The following CHD5 variants were observed in gnomAD, a reference collection of about 807,000 sequenced individuals.
CHD5 encodes ATP-dependent chromatin remodeler CHD5.
In CHD5, 69 loss-of-function variants were observed where a neutral mutation model predicts 230.3. The observed-to-expected ratio is 0.30, with a 90% CI of 0.25 to 0.37. The LOEUF is 0.37. CHD5 is among the 10% of genes least tolerant of loss of function. CHD5 has a pLI of 1.00. For missense variants in CHD5, 1,827 were observed against 2,622.8 expected, an observed-to-expected ratio of 0.70 and a Z score of 6.63; for synonymous variants, 1,064 against 1,065.9, an observed-to-expected ratio of 1.00 and a Z score of 0.03.
chr1:6,178,232 C>T (rs552432172), intron 1 of CHD5, among the ~76,000 whole-genome samples: 1 of 152,222 alleles, frequency 6.6e-6, no homozygotes, highest in African/African-American at 2.4e-5. Context: ...ACCAGAGCCC[C>T]GCCTCTCTGG....
At chr1:6,163,891 C>T (rs1477949433) in intron 2 of CHD5, among the ~76,000 whole-genome samples, 2 of 152,212 alleles carry the variant, frequency 1.3e-5, no homozygotes, top group Non-Finnish European at 1.5e-5. Context: ...CAGCCTTAGG[C>T]GTGACTACAG....
chr1:6,177,199 T>C (rs988068014), intron 1 of CHD5, among the ~76,000 whole-genome samples: 1 of 152,042 alleles, frequency 6.6e-6, no homozygotes, highest in East Asian at 1.9e-4. Context: ...CAAACTTCCA[T>C]CTTTTGGAAC....
At chr1:6,156,092 G>A (rs561167500) in intron 3 of CHD5, among the ~76,000 whole-genome samples, 32 of 152,308 alleles carry the variant, frequency 2.1e-4, no homozygotes, top group Non-Finnish European at 4.4e-4. Context: ...GACCAGCCTC[G>A]GGACACCAGG....
Position 6,142,859 on chromosome 1 carries a change from C to A in CHD5, c.2044-254G>T, listed in dbSNP as rs925396909. On this transcript the variant is annotated intron_variant, in intron 13 of 41. Coordinates refer to ENST00000262450, the MANE Select transcript of CHD5 (RefSeq NM_015557.3). The surrounding 1 kb of genome is among the most constrained non-coding windows in gnomAD (Gnocchi z 5.2). The stretch of plus-strand genomic sequence containing the variant: ...TACTTCTCCTATCAGGGAAATTTCC[C>A]GACTGTTGAATTCTCTGACTCTGAG... 1.3e-5 allele frequency among the ~76,000 whole-genome samples: 2 copies of A among 152,132 alleles called. No individual in the cohort carries two copies. The highest frequency in any genetic ancestry group is 4.8e-5 in the African/African-American group (2 of 41,424).
In CHD5 at chr1:6,168,084, C is replaced by T. The variant is rs758622711; in HGVS notation, c.207+66G>A. 23 of 1,529,768 alleles carry T rather than the reference C, an allele frequency of 1.5e-5. No homozygotes were observed. The East Asian group carries it at 3.9e-4, about 26-fold the overall frequency. 94.8% of individuals were successfully genotyped at this position (1,529,768 alleles called of 1,614,324 possible). On this transcript the variant is annotated intron_variant, in intron 2 of 41. Transcript: ENST00000262450. ...GTCCAGGGACCCCAGCCCTCCTCTG[C>T]GGCCGGGCAGATGCAGCCACAACCC... is the stretch of plus-strand genomic sequence containing the variant.
chr1:6,144,839 C>T lies in CHD5; in HGVS notation c.1803-684G>A, dbSNP rs138703865. 2.4e-3 allele frequency among the ~76,000 whole-genome samples: 365 copies of T among 152,318 alleles called. 1 individual carries two copies. The highest frequency in any genetic ancestry group is 8.5e-3 in the African/African-American group (353 of 41,562). On this transcript the variant is annotated intron_variant, in intron 11 of 41. Coordinates refer to ENST00000262450, the MANE Select transcript of CHD5 (RefSeq NM_015557.3). ...CAGACCCGGTGAGCAGCGGCTGCTG[C>T]GGGCCTGGGAACATTAAGAGAAAAA... is the stretch of plus-strand genomic sequence containing the variant.
intron 3 of CHD5, among the ~76,000 whole-genome samples, chr1:6,156,651 G>C: frequency 6.6e-6 from 1 of 152,202 alleles, no homozygotes; most frequent in East Asian, 1.9e-4. Flanking sequence ...AGTGCACTCT[G>C]CTGGGGCAGG....
At chr1:6,111,914 G>C (rs767155417) in intron 35 of CHD5, 31 bp from the exon 36 acceptor site, 1 of 1,591,926 alleles carries the variant, frequency 6.3e-7, no homozygotes, top group Non-Finnish European at 8.6e-7. Flanking sequence ...AGCAGGGTGA[G>C]AAGTGCCCCA....
intron 7 of CHD5, 42 bp from the exon 8 acceptor site, chr1:6,149,454 C>A: frequency 6.4e-7 from 1 of 1,563,562 alleles, no homozygotes; most frequent in Admixed American, 1.7e-5. Context: ...CTCATCCACA[C>A]TCCCAGCACA....
intron 15 of CHD5, among the ~76,000 whole-genome samples, chr1:6,140,648 T>C (rs1165645230): frequency 2.6e-5 from 4 of 152,118 alleles, no homozygotes; most frequent in Admixed American, 2.0e-4. Flanking sequence ...CATTGAATAG[T>C]GTCCCCCCAA....
At chr1:6,170,404 A>T (rs1571173712) in intron 1 of CHD5, among the ~76,000 whole-genome samples, 1 of 152,244 alleles carries the variant, frequency 6.6e-6, no homozygotes, top group South Asian at 2.1e-4. Context: ...GTGCAGCTTT[A>T]GCCCCACTGT....
chr1:6,152,583 C>T, intron 5 of CHD5, 47 bp from the exon 6 acceptor site: 1 of 1,609,834 alleles, frequency 6.2e-7, no homozygotes. Flanking sequence ...CCACTGACGG[C>T]CTGCTTCCTG....
intron 7 of CHD5, 114 bp from the exon 8 acceptor site, chr1:6,149,526 G>T: frequency 9.6e-7 from 1 of 1,045,488 alleles, no homozygotes; most frequent in Non-Finnish European, 1.3e-6. Context: ...GAGGGTGGAT[G>T]GAAAGGTGGG....
rs1042332779 is a variant in CHD5, at chr1:6,154,983, C to T, written c.507-85G>A. 8.2e-7 allele frequency: 1 copy of T among 1,220,122 alleles called. No individual in the cohort carries two copies. The highest frequency in any genetic ancestry group is 1.4e-5 in the South Asian group (1 of 72,828). 75.6% of individuals were successfully genotyped at this position (1,220,122 alleles called of 1,614,324 possible). On this transcript the variant is annotated intron_variant, in intron 4 of 41. Coordinates refer to ENST00000262450, the MANE Select transcript of CHD5 (RefSeq NM_015557.3). The surrounding 1 kb of genome is among the most constrained non-coding windows in gnomAD (Gnocchi z 7.0). ...ACCCCCGGCAGGGCCCACCCCTCTG[C>T]CACATGTGCGATCTATGGCAGCAGC...
chr1:6,118,061 T>C (rs1166568668), intron 33 of CHD5, among the ~76,000 whole-genome samples: 1 of 151,814 alleles, frequency 6.6e-6, no homozygotes, highest in South Asian at 2.1e-4. Flanking sequence ...AAACAAAACA[T>C]AGTAGATCCA....
At position 6,135,298 on chromosome 1, in the gene CHD5, A is replaced by G; in HGVS notation, c.2802T>C (p.Ala934=). The change falls in exon 18 of 42, where the codon GCT becomes GCC. Residue 934 remains alanine (A), a synonymous_variant. Coordinates refer to ENST00000262450, the MANE Select transcript of CHD5 (RefSeq NM_015557.3). ...TGGCCGGCATGTTCTTGAACACGTC[A>G]GCCTTGAGCCGCCTGAGCATGTGCG... ...LGPHMLRRLK[A]DVFKNMPAKT... 2 of 1,614,162 alleles carry G rather than the reference A, an allele frequency of 1.2e-6. No individual in the cohort carries two copies. Among genetic ancestry groups the G allele is most frequent in the Non-Finnish European group, 1.7e-6 (2 of 1,180,038 alleles).
chr1:6,134,421 T>C lies in CHD5; in HGVS notation c.3013-162A>G, dbSNP rs1487551955. On this transcript the variant is annotated intron_variant, in intron 19 of 41. Coordinates refer to ENST00000262450, the MANE Select transcript of CHD5 (RefSeq NM_015557.3). The surrounding 1 kb of genome is among the most constrained non-coding windows in gnomAD (Gnocchi z 6.3). ...ACCCGAGCCAGGCCAGGCCCCACAG[T>C]GCGGGGTAGACCGTGGGTCCCACGG... 1.3e-5 allele frequency among the ~76,000 whole-genome samples: 2 copies of C among 152,188 alleles called. No homozygotes were observed. The highest frequency in any genetic ancestry group is 1.5e-5 in the Non-Finnish European group (1 of 67,986).
intron 40 of CHD5, 38 bp from the exon 41 acceptor site, chr1:6,106,325 T>C (rs1666165015): frequency 1.2e-6 from 2 of 1,612,564 alleles, no homozygotes; most frequent in African/African-American, 1.3e-5. Context: ...TGCCTGACGT[T>C]GGCAGCAGCA....
At chr1:6,127,916 G>A (rs912121712) in intron 25 of CHD5, 130 bp downstream of exon 25, 3 of 770,580 alleles carry the variant, frequency 3.9e-6, no homozygotes, top group East Asian at 5.4e-5. Context: ...CGGCTGGAGG[G>A]CGGGGTCACA....
Sources: allele counts gnomAD v4.1 joint callset (sites outside exome capture counted in the v4.1 genomes callset), GRCh38; gene constraint gnomAD v4.1.1; non-coding constraint Gnocchi (gnomAD v3.1); transcripts MANE v1.5; gene names NCBI Gene and HGNC (gene_info 2026-07-23, HGNC 2026-07-21).